The following NPR2 variants were observed in gnomAD, a reference collection of about 807,000 sequenced individuals.
NPR2 encodes natriuretic peptide receptor 2, also known as atrial natriuretic peptide receptor 2.
In NPR2, 49 loss-of-function variants were observed where a neutral mutation model predicts 120.7. That is an observed-to-expected ratio of 0.41 (90% CI 0.32 to 0.52). The LOEUF is 0.52. NPR2 is among the 20% of genes least tolerant of loss of function. NPR2 has a pLI of 0.36. For synonymous variants in NPR2, 484 were observed against 519.8 expected (o/e 0.93, Z 0.94); for missense variants, 931 against 1,362.9 (o/e 0.68, Z 4.99).
In NPR2 at chr9:35,800,309, C is replaced by T. The variant is rs981580102; in HGVS notation, c.1124-80C>T. On this transcript the variant is annotated intron_variant, in intron 4 of 21. Transcript: ENST00000342694. The surrounding 1 kb of genome is among the most constrained non-coding windows in gnomAD (Gnocchi z 4.7). ...CCTCAAGATCGGGGAAGGGTAGACT[C>T]TGAGGGAGCCGTAGGCATGAGTGAG... 4 of 1,451,732 alleles carry T rather than the reference C, an allele frequency of 2.8e-6. No homozygotes were observed. Among genetic ancestry groups the T allele is most frequent in the Admixed American group, 1.7e-5 (1 of 59,768 alleles). 89.9% of individuals were successfully genotyped at this position (1,451,732 alleles called of 1,614,324 possible). A position where few individuals can be genotyped will look rare whatever the true frequency, so the allele number is the denominator to read the frequency against.
In NPR2 at chr9:35,806,022, T is replaced by TG. The variant is rs1828363153; in HGVS notation, c.2204-38dup. The TG allele has an allele frequency of 6.2e-7, 1 of 1,614,064 alleles. No homozygotes were observed. The highest frequency in any genetic ancestry group is 1.3e-5 in the African/African-American group (1 of 74,918). On this transcript the variant is annotated intron_variant, in intron 14 of 21. Transcript: ENST00000342694. The surrounding 1 kb of genome is among the most constrained non-coding windows in gnomAD (Gnocchi z 4.6). ...TCCACTACCCACAGCCTCTTCTTCCTGGGGGAACTCTGTTCTTCATCCAAA... is the reference window on the plus strand; with the variant it reads ...TCCACTACCCACAGCCTCTTCTTCCTGGGGGGAACTCTGTTCTTCATCCAAA...
intron 18 of NPR2, among the ~76,000 whole-genome samples, chr9:35,807,783 T>C (rs572089387): frequency 2.0e-5 from 3 of 152,324 alleles, no homozygotes; most frequent in African/African-American, 7.2e-5. Context: ...TAAAACTTTT[T>C]GTTGAAGTTA....
rs1276310007 is a variant in NPR2 at position 35,808,132 on chromosome 9, T to C, written c.2713-377T>C. 7.0e-7 allele frequency: 1 copy of C among 1,428,788 alleles called. No homozygotes were observed. Among genetic ancestry groups the C allele is most frequent in the East Asian group, 2.3e-5 (1 of 43,972 alleles). The allele number at this position is 1,428,788 out of a possible 1,614,324, so 88.5% of individuals were successfully genotyped here. A position where few individuals can be genotyped will look rare whatever the true frequency, so the allele number is the denominator to read the frequency against. On this transcript the variant is annotated intron_variant, in intron 18 of 21. Transcript: ENST00000342694. The surrounding 1 kb of genome is among the most constrained non-coding windows in gnomAD (Gnocchi z 4.0). ...GCCTGCTTTCCTCCTCTCTGACAGT[T>C]TGGGCTGTCAGGTCCATTTCACTGG... is the stretch of plus-strand genomic sequence containing the variant.
intron 17 of NPR2, 35 bp from the exon 18 acceptor site, chr9:35,807,295 A>G (rs1270648329): frequency 6.3e-7 from 1 of 1,581,382 alleles, no homozygotes; most frequent in Non-Finnish European, 8.7e-7. Flanking sequence ...AATTGGGCAC[A>G]AGTCTCAGGG....
Position 35,801,954 on chromosome 9 carries a change from C to T in NPR2, c.1586C>T (p.Thr529Ile), listed in dbSNP as rs1214117239. The T allele has an allele frequency of 2.5e-6, 4 of 1,614,050 alleles. No individual in the cohort carries two copies. Among genetic ancestry groups the T allele is most frequent in the Non-Finnish European group, 3.4e-6 (4 of 1,180,022 alleles). The change falls in exon 9 of 22, where the codon ACA becomes ATA. Residue 529 changes from threonine (T) to isoleucine (I), a missense_variant. By Grantham distance (89) the Thr-to-Ile change is moderately conservative (BLOSUM62 -1). This residue lies in a region of NPR2 where 681 missense variants were observed against 974.3 expected (regional missense o/e 0.70). Coordinates refer to ENST00000342694, the MANE Select transcript of NPR2 (RefSeq NM_003995.4). ...LRGSSYGSLM[T>I]AHGKYQIFAN... is the part of the protein sequence containing the mutation. The stretch of plus-strand genomic sequence containing the variant: ...GGATCCAGTTACGGCTCGCTCATGA[C>T]AGCCCATGGGAAATACCAGATCTTT...
In NPR2 at chr9:35,806,159, G is replaced by A; in HGVS notation, c.2298G>A (p.Glu766=). 7 of 1,614,218 alleles carry A rather than the reference G, an allele frequency of 4.3e-6. No individual in the cohort carries two copies. Among genetic ancestry groups the A allele is most frequent in the Non-Finnish European group, 5.9e-6 (7 of 1,180,042 alleles). Residue 766 remains glutamate (E), a synonymous_variant, in exon 15 of 22, where the codon GAG becomes GAA. Coordinates refer to ENST00000342694, the MANE Select transcript of NPR2 (RefSeq NM_003995.4). The surrounding 1 kb of genome is among the most constrained non-coding windows in gnomAD (Gnocchi z 4.6). ...QLNEELVLLM[E]RCWAQDPAER... is the part of the protein sequence containing the mutation. The stretch of plus-strand genomic sequence containing the variant: ...ATGAAGAGCTAGTTTTGCTGATGGA[G>A]CGATGTTGGGCTCAGGACCCAGCTG...
Position 35,799,737 on chromosome 9 carries a change from T to C in NPR2, c.987+6T>C. On this transcript the variant is annotated splice_donor_region_variant and intron_variant, in intron 3 of 21. Transcript: ENST00000342694. ...TGGAGCTGGGCCCTTCCCTGGTAAG[T>C]AGATCTCTCCCTTCCTGAGAGTCAG... is the stretch of plus-strand genomic sequence containing the variant. 2.5e-6 allele frequency: 4 copies of C among 1,602,814 alleles called. No homozygotes were observed. The highest frequency in any genetic ancestry group is 2.6e-6 in the Non-Finnish European group (3 of 1,169,808).
At position 35,803,754 on chromosome 9, in the gene NPR2, T is replaced by C. The variant is rs144800010; in HGVS notation, c.1887+951T>C. ...AGCATCCCAGTGGATCACCCCACAC[T>C]GTATCTGAAACTAGCTTTGGTTTTC... On this transcript the variant is annotated intron_variant, in intron 12 of 21. Coordinates refer to ENST00000342694, the MANE Select transcript of NPR2 (RefSeq NM_003995.4). Among the ~76,000 whole-genome samples the C allele has an allele frequency of 2.6e-5, 4 of 152,370 alleles. No homozygotes were observed. The East Asian group carries it at 7.7e-4, about 29-fold the overall frequency.
intron 2 of NPR2, 51 bp downstream of exon 2, chr9:35,794,154 G>T: frequency 6.5e-7 from 1 of 1,547,574 alleles, no homozygotes; most frequent in East Asian, 2.3e-5. Context: ...TGCTTCGCTG[G>T]AAATTCTCTC....
At chr9:35,795,098 C>T (rs914519625) in intron 2 of NPR2, among the ~76,000 whole-genome samples, 16 of 152,162 alleles carry the variant, frequency 1.1e-4, no homozygotes, top group African/African-American at 3.9e-4. Context: ...AGAATAAAAT[C>T]CTGACTCCTT....
chr9:35,806,200 G>T lies in NPR2; in HGVS notation c.2339G>T (p.Gly780Val), dbSNP rs1828372401. 1.9e-6 allele frequency: 3 copies of T among 1,614,106 alleles called. No homozygotes were observed. In the African/African-American group the frequency reaches 4.0e-5, roughly 22 times the overall value. The change falls in exon 15 of 22, where the codon GGA becomes GTA. Residue 780 changes from glycine to valine, a missense_variant. Transcript: ENST00000342694. The surrounding 1 kb of genome is among the most constrained non-coding windows in gnomAD (Gnocchi z 4.6). ...GACCCAGCTGAGCGGCCAGACTTTG[G>T]ACAGATTAAGGGCTTCATTCGGCGC... ...AQDPAERPDF[G>V]QIKGFIRRFN...
rs761604906 is a variant in NPR2, at chr9:35,800,868, G to T, written c.1351+27G>T. 3 of 1,613,990 alleles carry T rather than the reference G, an allele frequency of 1.9e-6. No homozygotes were observed. The African/African-American group carries it at 4.0e-5, about 22-fold the overall frequency. On this transcript the variant is annotated intron_variant, in intron 6 of 21. Transcript: ENST00000342694. This position sits in a 1 kb window ranked among gnomAD's most constrained non-coding sequence, Gnocchi z 4.7. ...TGGGTGTGTGCAGGGACTGGGAGCA[G>T]CTTTCCTCCCTTTGCTTTCCATTCA...
In NPR2 at chr9:35,802,194, T is replaced by G; in HGVS notation, c.1633-12T>G. The G allele has an allele frequency of 6.4e-7, 1 of 1,568,312 alleles. No homozygotes were observed. On this transcript the variant is annotated splice_polypyrimidine_tract_variant and intron_variant, in intron 9 of 21. Transcript: ENST00000342694. The surrounding 1 kb of genome is among the most constrained non-coding windows in gnomAD (Gnocchi z 4.2). The stretch of plus-strand genomic sequence containing the variant: ...TATTCACTTTCCTTTCCCCTTTCAC[T>G]CCCACCATCAGGGAAATGTTGTCGC...
Position 35,800,801 on chromosome 9 carries a change from C to T in NPR2, c.1311C>T (p.Pro437=). The change falls in exon 6 of 22, where the codon CCC becomes CCT. Residue 437 remains proline (P), a synonymous_variant. Coordinates refer to ENST00000342694, the MANE Select transcript of NPR2 (RefSeq NM_003995.4). This position sits in a 1 kb window ranked among gnomAD's most constrained non-coding sequence, Gnocchi z 4.7. ...WVKGAPPSDN[P]PCAFDLDDPS... ...AGGGGGCTCCTCCCTCGGACAATCC[C>T]CCCTGTGCCTTTGACTTGGACGACC... 3 of 1,614,134 alleles carry T rather than the reference C, an allele frequency of 1.9e-6. No individual in the cohort carries two copies. Among genetic ancestry groups the T allele is most frequent in the Non-Finnish European group, 1.7e-6 (2 of 1,180,024 alleles).
In NPR2 at chr9:35,800,803, C is replaced by A. The variant is rs778410447; in HGVS notation, c.1313C>A (p.Pro438His). The A allele has an allele frequency of 1.1e-5, 18 of 1,614,144 alleles. No individual in the cohort carries two copies. Among genetic ancestry groups the A allele is most frequent in the Middle Eastern group, 1.6e-4 (1 of 6,062 alleles). Residue 438 changes from proline to histidine, a missense_variant, in exon 6 of 22, where the codon CCC becomes CAC. By Grantham distance (77) the Pro-to-His change is moderately conservative (BLOSUM62 -2). Transcript: ENST00000342694. The surrounding 1 kb of genome is among the most constrained non-coding windows in gnomAD (Gnocchi z 4.7). Reference sequence around the variant, plus strand: ...GGGGCTCCTCCCTCGGACAATCCCCCCTGTGCCTTTGACTTGGACGACCCA... The same window carrying A: ...GGGGCTCCTCCCTCGGACAATCCCCACTGTGCCTTTGACTTGGACGACCCA... ...VKGAPPSDNPPCAFDLDDPSC... is the reference protein window; with the variant it reads ...VKGAPPSDNPHCAFDLDDPSC...
In NPR2 at chr9:35,802,788, T is replaced by C; in HGVS notation, c.1872T>C (p.Ile624=). 1 of 1,609,528 alleles carries C rather than the reference T, an allele frequency of 6.2e-7. No homozygotes were observed. Among genetic ancestry groups the C allele is most frequent in the Non-Finnish European group, 8.5e-7 (1 of 1,175,824 alleles). The part of the protein sequence containing the change: ...NLDWMFRYSL[I]NDLVKGMAFL... ...ACTGGATGTTTCGTTATTCACTCAT[T>C]AATGACCTTGTTAAGGTGAGTCTTC... Residue 624 remains isoleucine, a synonymous_variant, in exon 12 of 22, where the codon ATT becomes ATC. Transcript: ENST00000342694. This position sits in a 1 kb window ranked among gnomAD's most constrained non-coding sequence, Gnocchi z 4.2.
Position 35,805,550 on chromosome 9 carries a change from G to A in NPR2, c.1927G>A (p.Gly643Arg), listed in dbSNP as rs1407467754. The A allele has an allele frequency of 1.2e-6, 2 of 1,614,178 alleles. No homozygotes were observed. Among genetic ancestry groups the A allele is most frequent in the Admixed American group, 3.3e-5 (2 of 60,028 alleles). The part of the protein sequence containing the change: ...FLHNSIISSH[G>R]SLKSSNCVVD... Reference sequence around the variant, plus strand: ...CCACAACAGCATTATTTCATCGCATGGGAGTCTCAAGTCCTCCAACTGTGT... The same window carrying A: ...CCACAACAGCATTATTTCATCGCATAGGAGTCTCAAGTCCTCCAACTGTGT... Residue 643 changes from glycine to arginine, a missense_variant, in exon 13 of 22, where the codon GGG becomes AGG. By Grantham distance (125) the Gly-to-Arg change is moderately radical. Coordinates refer to ENST00000342694, the MANE Select transcript of NPR2 (RefSeq NM_003995.4). This position sits in a 1 kb window ranked among gnomAD's most constrained non-coding sequence, Gnocchi z 4.9.
chr9:35,799,407 T>C (rs1828054547), intron 2 of NPR2, among the ~76,000 whole-genome samples: 1 of 150,020 alleles, frequency 6.7e-6, no homozygotes, highest in Non-Finnish European at 1.5e-5. Flanking sequence ...TTCCCAGATG[T>C]ATGCAACACA....
In NPR2 at chr9:35,805,421, T is replaced by A; in HGVS notation, c.1888-90T>A. On this transcript the variant is annotated intron_variant, in intron 12 of 21. Transcript: ENST00000342694. This position sits in a 1 kb window ranked among gnomAD's most constrained non-coding sequence, Gnocchi z 4.9. ...TTATTATTTTTGTGGACCCAAGATC[T>A]GTAGACAGCTAGCCAGTGCCCATCT... 1 of 1,318,946 alleles carries A rather than the reference T, an allele frequency of 7.6e-7. No homozygotes were observed. The highest frequency in any genetic ancestry group is 1.2e-5 in the South Asian group (1 of 84,858). 81.7% of individuals were successfully genotyped at this position (1,318,946 alleles called of 1,614,324 possible). A position where few individuals can be genotyped will look rare whatever the true frequency, so the allele number is the denominator to read the frequency against.
Sources: gnomAD v4.1 joint callset for allele counts (sites outside exome capture counted in the v4.1 genomes callset) on GRCh38, gnomAD v4.1.1 for gene constraint, gnomAD v4.1.1 regional missense constraint, Gnocchi (gnomAD v3.1) non-coding constraint, MANE v1.5 for transcripts, NCBI Gene and HGNC (gene_info 2026-07-23, HGNC 2026-07-21) for gene names.